ANKH: variants seen among roughly 807,000 people sequenced by gnomAD.
ANKH encodes ANKH inorganic pyrophosphate transport regulator.
Under a neutral mutation model 49.0 loss-of-function variants are expected in ANKH, and 15 were observed. That is an observed-to-expected ratio of 0.31 (90% CI 0.20 to 0.47). The LOEUF (loss-of-function observed/expected upper bound fraction) is 0.47. Ranked by LOEUF, ANKH falls within the 20% of genes least tolerant of loss-of-function variation. The pLI, the probability that ANKH is intolerant of heterozygous loss-of-function variation, is 1.00. For synonymous variants in ANKH, 273 were observed against 260.0 expected (o/e 1.05, Z -0.48); for missense variants, 429 against 652.0 (o/e 0.66, Z 3.72).
chr5:14,776,610 TC>T (rs1739631488), intron 1 of ANKH, among the ~76,000 whole-genome samples: 1 of 152,158 alleles, frequency 6.6e-6, no homozygotes, highest in South Asian at 2.1e-4. Context: ...GTAATGTCAG[TC>T]CCAAATACTG....
At chr5:14,844,705 T>C (rs1214984727) in intron 1 of ANKH, among the ~76,000 whole-genome samples, 2 of 152,248 alleles carry the variant, frequency 1.3e-5, no homozygotes, top group Non-Finnish European at 2.9e-5. Flanking sequence ...TCTGCAGTGG[T>C]ACATGCGGAG....
chr5:14,836,429 A>G (rs2126604554), intron 1 of ANKH, among the ~76,000 whole-genome samples: 1 of 152,388 alleles, frequency 6.6e-6, no homozygotes, highest in Middle Eastern at 3.4e-3. Flanking sequence ...GCCTCAGGAT[A>G]CAAAATCAAT....
chr5:14,826,519 C>T (rs1741346690), intron 1 of ANKH, among the ~76,000 whole-genome samples: 1 of 152,092 alleles, frequency 6.6e-6, no homozygotes, highest in Non-Finnish European at 1.5e-5. Context: ...AATTCTGGTA[C>T]CTACTTCATA....
chr5:14,844,725 C>G (rs1384223082), intron 1 of ANKH, among the ~76,000 whole-genome samples: 1 of 152,168 alleles, frequency 6.6e-6, no homozygotes, highest in African/African-American at 2.4e-5. Context: ...GCTGTAGATT[C>G]GGGATTTGCT....
chr5:14,869,019 G>C (rs1381070719), intron 1 of ANKH: 1 of 152,152 alleles, frequency 6.6e-6, no homozygotes, highest in African/African-American at 2.4e-5. Context: ...CTCCCAGCAA[G>C]GTGTAATACA....
chr5:14,750,880 C>T (rs1178641571), intron 5 of ANKH, among the ~76,000 whole-genome samples, 189 bp downstream of exon 5: 1 of 152,206 alleles, frequency 6.6e-6, no homozygotes, highest in East Asian at 1.9e-4. Context: ...CAGATCACAT[C>T]CATCTGTTAG....
At chr5:14,783,111 G>A (rs1012744357) in intron 1 of ANKH, among the ~76,000 whole-genome samples, 8 of 152,102 alleles carry the variant, frequency 5.3e-5, no homozygotes, top group Admixed American at 3.9e-4. Context: ...AAGGGTCTGG[G>A]GCACTTGATC....
At chr5:14,784,993 T>C (rs1302219197) in intron 1 of ANKH, among the ~76,000 whole-genome samples, 2 of 152,196 alleles carry the variant, frequency 1.3e-5, no homozygotes, top group African/African-American at 4.8e-5. Context: ...TTCCAGTGAC[T>C]CTGGATACCA....
intron 1 of ANKH, among the ~76,000 whole-genome samples, chr5:14,826,253 A>G (rs190595317): frequency 6.6e-6 from 1 of 152,346 alleles, no homozygotes; most frequent in Admixed American, 6.5e-5. Flanking sequence ...TGGGTGCTGT[A>G]TTAGGTAGAA....
intron 2 of ANKH, among the ~76,000 whole-genome samples, chr5:14,766,322 C>T (rs1739258030): frequency 6.6e-6 from 1 of 152,060 alleles, no homozygotes. Flanking sequence ...ATTGAGCCCA[C>T]GAGTTCAAGG....
chr5:14,753,624 T>C (rs1738788749), intron 4 of ANKH, among the ~76,000 whole-genome samples: 1 of 152,166 alleles, frequency 6.6e-6, no homozygotes, highest in South Asian at 2.1e-4. Flanking sequence ...AAGGTCCAGA[T>C]GACCAGGGAA....
At chr5:14,780,003 GT>G (rs1739757016) in intron 1 of ANKH, among the ~76,000 whole-genome samples, 1 of 151,352 alleles carries the variant, frequency 6.6e-6, no homozygotes. Flanking sequence ...TGTAACAGAA[GT>G]TAGTTGCCAT....
chr5:14,789,774 G>C (rs549577848), intron 1 of ANKH, among the ~76,000 whole-genome samples: 3 of 152,094 alleles, frequency 2.0e-5, no homozygotes, highest in Non-Finnish European at 4.4e-5. Context: ...GCAGTGGTGC[G>C]ATCTCAGCTC....
At chr5:14,766,397 AAAAC>A (rs927296328) in intron 2 of ANKH, among the ~76,000 whole-genome samples, 38 of 152,266 alleles carry the variant, frequency 2.5e-4, no homozygotes, top group Non-Finnish European at 4.3e-4. Flanking sequence ...CTCTGTCTCA[AAAAC>A]AAACAAACAA....
intron 8 of ANKH, chr5:14,741,144 G>A (rs1015932022): frequency 1.3e-5 from 2 of 152,136 alleles, no homozygotes; most frequent in African/African-American, 2.4e-5. Flanking sequence ...TATATACCAC[G>A]TCCTTTGGAC....
chr5:14,805,379 T>C (rs1345994486), intron 1 of ANKH, among the ~76,000 whole-genome samples: 2 of 111,270 alleles, frequency 1.8e-5, no homozygotes, highest in Non-Finnish European at 1.8e-5. Flanking sequence ...TATATATATG[T>C]GTGTATGTGT....
chr5:14,805,873 C>T (rs1195458574), intron 1 of ANKH, among the ~76,000 whole-genome samples: 1 of 152,168 alleles, frequency 6.6e-6, no homozygotes, highest in Non-Finnish European at 1.5e-5. Flanking sequence ...GACTCCTGGC[C>T]TCACCAGGTG....
intron 1 of ANKH, among the ~76,000 whole-genome samples, chr5:14,810,444 C>T (rs1215888267): frequency 6.6e-6 from 1 of 152,156 alleles, no homozygotes; most frequent in Non-Finnish European, 1.5e-5. Flanking sequence ...CAGGAGTGAG[C>T]CACCGCACCT....
At chr5:14,712,419 GCT>G (rs1737255125) in intron 11 of ANKH, among the ~76,000 whole-genome samples, 2 of 152,244 alleles carry the variant, frequency 1.3e-5, no homozygotes, top group African/African-American at 4.8e-5. Flanking sequence ...CCTTGCGCAA[GCT>G]CTCGGACTGC....
Sources: allele counts gnomAD v4.1 joint callset (sites outside exome capture counted in the v4.1 genomes callset), GRCh38; gene constraint gnomAD v4.1.1; transcripts MANE v1.5; gene names NCBI Gene and HGNC (gene_info 2026-07-23, HGNC 2026-07-21).